ITPRID1: variants seen among roughly 807,000 people sequenced by gnomAD.
ITPRID1 encodes protein ITPRID1.
In ITPRID1, 96 loss-of-function variants were observed where a neutral mutation model predicts 95.4. The observed-to-expected ratio is 1.01, with a 90% CI of 0.85 to 1.19. ITPRID1 has a LOEUF of 1.19. ITPRID1 is among the 50% of genes most tolerant of loss of function. ITPRID1 has a pLI of 0.00. For synonymous variants in ITPRID1, 510 were observed against 453.6 expected, an observed-to-expected ratio of 1.12 and a Z score of -1.58; for missense variants, 1,339 against 1,252.9, an observed-to-expected ratio of 1.07 and a Z score of -1.04.
intron 8 of ITPRID1, among the ~76,000 whole-genome samples, chr7:31,577,492 C>T (rs183071303): frequency 6.6e-6 from 1 of 152,298 alleles, no homozygotes; most frequent in African/African-American, 2.4e-5. Flanking sequence ...GAGGAATATT[C>T]AGGTAGCCTC....
At chr7:31,612,931 C>G (rs1407920828) in intron 10 of ITPRID1, among the ~76,000 whole-genome samples, 2 of 152,196 alleles carry the variant, frequency 1.3e-5, no homozygotes, top group Non-Finnish European at 2.9e-5. Flanking sequence ...ATCACTGTCT[C>G]AGGCAGCTAT....
At chr7:31,543,352 G>T (rs947118561) in intron 1 of ITPRID1, among the ~76,000 whole-genome samples, 2 of 151,992 alleles carry the variant, frequency 1.3e-5, no homozygotes, top group African/African-American at 4.8e-5. Context: ...AATTCAGTCG[G>T]CTGGGAAAAA....
rs998601115 is a variant in ITPRID1, at chr7:31,655,169, C to A, written c.*2340C>A. On this transcript the variant is annotated 3_prime_UTR_variant, in exon 15 of 15. Transcript: ENST00000615280. The stretch of plus-strand genomic sequence containing the variant: ...ACTTGGCTGTATGTCTCACTCTTGG[C>A]TAAAGCTGACCTGGTCATTGCCCCA... 6.6e-6 allele frequency among the ~76,000 whole-genome samples: 1 copy of A among 152,138 alleles called. No homozygotes were observed. Among genetic ancestry groups the A allele is most frequent in the African/African-American group, 2.4e-5 (1 of 41,438 alleles).
In ITPRID1 at chr7:31,652,880, A is replaced by G; in HGVS notation, c.*51A>G. On this transcript the variant is annotated 3_prime_UTR_variant, in exon 15 of 15. Coordinates refer to ENST00000615280, the MANE Select transcript of ITPRID1 (RefSeq NM_001257967.3). The stretch of plus-strand genomic sequence containing the variant: ...TACAAAATATAAAGGCCCAGAACAG[A>G]TGTAGCAAGGAAATTTCAATTTTCC... 6.4e-7 allele frequency: 1 copy of G among 1,565,912 alleles called. No homozygotes were observed.
intron 5 of ITPRID1, among the ~76,000 whole-genome samples, chr7:31,563,973 A>G (rs1345494721): frequency 6.6e-6 from 1 of 152,226 alleles, no homozygotes; most frequent in East Asian, 1.9e-4. Context: ...CCAGTCATGC[A>G]GGAGTTAAAT....
At position 31,578,299 on chromosome 7, in the gene ITPRID1, G is replaced by A; in HGVS notation, c.1035G>A (p.Lys345=). The A allele has an allele frequency of 2.5e-6, 4 of 1,613,902 alleles. No individual in the cohort carries two copies. The highest frequency in any genetic ancestry group is 3.4e-6 in the Non-Finnish European group (4 of 1,179,842). ...GGCCTTGCTCATCTATGCCGGCCAA[G>A]CAGGCTCCTCCTTCCTGTGTGTCTG... ...KQWPCSSMPA[K]QAPPSCVSEG... The change falls in exon 9 of 15, where the codon AAG becomes AAA. Residue 345 remains lysine, a synonymous_variant. Transcript: ENST00000615280.
At position 31,655,637 on chromosome 7, in the gene ITPRID1, C is replaced by A; in HGVS notation, c.*2808C>A. 1 of 590,480 alleles carries A rather than the reference C, an allele frequency of 1.7e-6. No individual in the cohort carries two copies. The highest frequency in any genetic ancestry group is 2.0e-5 in the African/African-American group (1 of 49,756). The allele number at this position is 590,480 out of a possible 1,614,324, so 36.6% of individuals were successfully genotyped here. On this transcript the variant is annotated 3_prime_UTR_variant, in exon 15 of 15. Transcript: ENST00000615280. ...TTATTATGCGCCTCTCGTCGCCTCC[C>A]ACTGCATCATCCCTTTTTGCCACAT...
rs185943137 is a variant in ITPRID1 at position 31,648,198 on chromosome 7, A to G, written c.2584-2944A>G. The stretch of plus-strand genomic sequence containing the variant: ...GAAAAAGTAATATGAGCATATTCAA[A>G]GTGAAAATTCATTGTCTTTTGGTGA... On this transcript the variant is annotated intron_variant, in intron 12 of 14. Transcript: ENST00000615280. Among the ~76,000 whole-genome samples the G allele has an allele frequency of 1.8e-3, 278 of 152,284 alleles. 1 individual carries two copies. Among genetic ancestry groups the G allele is most frequent in the Non-Finnish European group, 2.5e-3 (172 of 68,012 alleles).
In ITPRID1 at chr7:31,574,743, G is replaced by T. The variant is rs748413454; in HGVS notation, c.598+1G>T. 2.5e-6 allele frequency: 4 copies of T among 1,613,464 alleles called. No homozygotes were observed. The African/African-American group carries it at 5.3e-5, about 22-fold the overall frequency. ...GACATTGAGAACCCCAACTTGTACG[G>T]TAAGCGAGGTGCCTGTGGCATTCGC... On this transcript the variant is annotated splice_donor_variant, in intron 8 of 14. Transcript: ENST00000615280. LOFTEE classifies it high-confidence loss of function.
At chr7:31,633,622 C>T (rs747943544) in intron 10 of ITPRID1, among the ~76,000 whole-genome samples, 7 of 152,192 alleles carry the variant, frequency 4.6e-5, no homozygotes, top group Non-Finnish European at 8.8e-5. Flanking sequence ...ATATTTATGC[C>T]ACCTGCCCAG....
intron 10 of ITPRID1, among the ~76,000 whole-genome samples, chr7:31,627,514 C>G (rs577956337): frequency 6.6e-6 from 1 of 151,954 alleles, no homozygotes; most frequent in Non-Finnish European, 1.5e-5. Flanking sequence ...AAAAATTAGT[C>G]CAATGGGATG....
intron 1 of ITPRID1, among the ~76,000 whole-genome samples, chr7:31,527,952 A>G (rs1390796645): frequency 1.3e-5 from 2 of 152,302 alleles, no homozygotes; most frequent in East Asian, 3.9e-4. Context: ...TGCTTTGGTT[A>G]TGAATCACCC....
intron 10 of ITPRID1, among the ~76,000 whole-genome samples, chr7:31,610,651 T>G (rs891861932): frequency 6.6e-6 from 1 of 151,654 alleles, no homozygotes; most frequent in African/African-American, 2.4e-5. Flanking sequence ...TTTTTAATTG[T>G]TATGTCTTCC....
intron 1 of ITPRID1, among the ~76,000 whole-genome samples, chr7:31,525,803 G>A (rs1258214483): frequency 6.6e-6 from 1 of 152,138 alleles, no homozygotes; most frequent in Admixed American, 6.5e-5. Flanking sequence ...GCATTTAACA[G>A]CTAGATTTAT....
At chr7:31,546,842 G>A (rs567812994) in intron 1 of ITPRID1, among the ~76,000 whole-genome samples, 191 of 152,104 alleles carry the variant, frequency 1.3e-3, no homozygotes, top group Non-Finnish European at 2.2e-3. Flanking sequence ...TTACAAAGGG[G>A]CCTTTAAAGC....
At chr7:31,553,240 G>C (rs1439743310) in intron 3 of ITPRID1, 53 bp downstream of exon 3, 110 of 1,485,242 alleles carry the variant, frequency 7.4e-5, no homozygotes, top group Non-Finnish European at 9.0e-6. Flanking sequence ...AGTGGTGAGG[G>C]ATGTGGGAGC....
chr7:31,626,950 G>A (rs1470820469), intron 10 of ITPRID1, among the ~76,000 whole-genome samples: 3 of 152,200 alleles, frequency 2.0e-5, no homozygotes, highest in African/African-American at 4.8e-5. Flanking sequence ...TGGTCACCCA[G>A]CTTGAAGATT....
intron 14 of ITPRID1, 28 bp downstream of exon 14, chr7:31,652,078 C>A: frequency 6.8e-7 from 1 of 1,476,528 alleles, no homozygotes; most frequent in Non-Finnish European, 9.3e-7. Flanking sequence ...TGGAGTTTGA[C>A]TATATCCAGC....
At chr7:31,527,030 T>A (rs1468512030) in intron 1 of ITPRID1, among the ~76,000 whole-genome samples, 2 of 152,202 alleles carry the variant, frequency 1.3e-5, no homozygotes, top group Non-Finnish European at 2.9e-5. Context: ...TGACATTGAC[T>A]CCTCATTTAT....
Sources: gnomAD v4.1 joint callset for allele counts (sites outside exome capture counted in the v4.1 genomes callset) on GRCh38, gnomAD v4.1.1 for gene constraint, MANE v1.5 for transcripts, NCBI Gene and HGNC (gene_info 2026-07-23, HGNC 2026-07-21) for gene names.